Variants in EIF4G3 observed in about 807,000 individuals in gnomAD.
EIF4G3 encodes the protein eukaryotic translation initiation factor 4 gamma 3.
A neutral mutation model predicts 186.4 loss-of-function variants in EIF4G3; 34 were observed. The observed-to-expected ratio is 0.18, with a 90% confidence interval of 0.14 to 0.24. The LOEUF is 0.24. Ranked by LOEUF, EIF4G3 falls within the 10% of genes least tolerant of loss-of-function variation. EIF4G3 has a pLI of 1.00. For synonymous variants in EIF4G3, 673 were observed against 679.5 expected, an observed-to-expected ratio of 0.99 and a Z score of 0.15; for missense variants, 1,536 against 1,948.5, an observed-to-expected ratio of 0.79 and a Z score of 3.99.
intron 3 of EIF4G3, among the ~76,000 whole-genome samples, chr1:21,080,268 A>G (rs888134748): frequency 4.0e-5 from 6 of 151,496 alleles, no homozygotes. Flanking sequence ...GTGAGACATG[A>G]TCGTGCGACT....
At chr1:20,840,496 C>T (rs943534571) in intron 30 of EIF4G3, among the ~76,000 whole-genome samples, 1 of 152,190 alleles carries the variant, frequency 6.6e-6, no homozygotes, top group East Asian at 1.9e-4. Context: ...CAGAATTGTT[C>T]TCACAAAGAA....
chr1:21,167,958 T>C (rs554976731), intron 2 of EIF4G3: 1 of 426,696 alleles, frequency 2.3e-6, no homozygotes, highest in East Asian at 7.7e-5. Flanking sequence ...ATGTTTGACT[T>C]ACTGATAAAG....
intron 14 of EIF4G3, among the ~76,000 whole-genome samples, chr1:20,909,744 ACT>A (rs1420178070): frequency 6.7e-6 from 1 of 149,010 alleles, no homozygotes. Flanking sequence ...CAACAAATTA[ACT>A]CTGTTAAAAT....
At chr1:20,984,778 C>T (rs2079083338) in intron 7 of EIF4G3, among the ~76,000 whole-genome samples, 1 of 151,952 alleles carries the variant, frequency 6.6e-6, no homozygotes, top group South Asian at 2.1e-4. Context: ...TTAGTACAGA[C>T]AGGGTTTCAC....
At chr1:21,053,583 G>C (rs1197377119) in intron 3 of EIF4G3, among the ~76,000 whole-genome samples, 2 of 146,324 alleles carry the variant, frequency 1.4e-5, no homozygotes, top group African/African-American at 5.1e-5. Context: ...GCCCTGTCCG[G>C]GAGGGAGGTT....
intron 2 of EIF4G3, among the ~76,000 whole-genome samples, chr1:21,134,941 A>G (rs1487090393): frequency 6.6e-6 from 1 of 152,130 alleles, no homozygotes; most frequent in African/African-American, 2.4e-5. Flanking sequence ...TTAAAATACA[A>G]TTGTTTTAGG....
At chr1:21,038,037 G>A (rs944880019) in intron 4 of EIF4G3, among the ~76,000 whole-genome samples, 4 of 152,232 alleles carry the variant, frequency 2.6e-5, no homozygotes, top group Non-Finnish European at 5.9e-5. Flanking sequence ...CTTCTGAGCA[G>A]TGATACTATA....
chr1:20,874,444 T>C (rs2080170008), intron 20 of EIF4G3, among the ~76,000 whole-genome samples: 1 of 152,206 alleles, frequency 6.6e-6, no homozygotes, highest in South Asian at 2.1e-4. Context: ...CTTTTTTTCA[T>C]ATATTTGTTG....
chr1:21,041,795 C>T (rs1222696235), intron 4 of EIF4G3, among the ~76,000 whole-genome samples: 1 of 152,110 alleles, frequency 6.6e-6, no homozygotes, highest in Non-Finnish European at 1.5e-5. Context: ...ATTTAGATAG[C>T]TTGAGAGTTC....
chr1:20,818,163 A>G (rs184747703), intron 33 of EIF4G3, among the ~76,000 whole-genome samples: 3 of 152,280 alleles, frequency 2.0e-5, no homozygotes, highest in Admixed American at 6.5e-5. Flanking sequence ...AAGGCAGGAT[A>G]GGAGCCCTAG....
At chr1:21,139,938 T>C (rs532072996) in intron 2 of EIF4G3, among the ~76,000 whole-genome samples, 8 of 152,342 alleles carry the variant, frequency 5.3e-5, no homozygotes, top group Admixed American at 2.0e-4. Flanking sequence ...CCTAGAATTA[T>C]CCTGATTAAG....
intron 3 of EIF4G3, among the ~76,000 whole-genome samples, chr1:21,087,557 G>A (rs1038245872): frequency 6.6e-6 from 1 of 152,232 alleles, no homozygotes; most frequent in Admixed American, 6.5e-5. Flanking sequence ...CACTTTGGGA[G>A]GTGGAGGCAG....
chr1:21,000,464 G>T (rs577928467), intron 6 of EIF4G3, among the ~76,000 whole-genome samples: 1 of 152,164 alleles, frequency 6.6e-6, no homozygotes, highest in African/African-American at 2.4e-5. Context: ...CTGCCTCAAT[G>T]TAACAGCTTA....
At chr1:20,970,925 C>A (rs1295400944) in intron 11 of EIF4G3, among the ~76,000 whole-genome samples, 2 of 152,292 alleles carry the variant, frequency 1.3e-5, no homozygotes, top group South Asian at 2.1e-4. Context: ...GATCACGCCA[C>A]TGCACTCCAG....
intron 16 of EIF4G3, among the ~76,000 whole-genome samples, chr1:20,896,159 G>A (rs2087923984): frequency 6.6e-6 from 1 of 152,042 alleles, no homozygotes; most frequent in Admixed American, 6.6e-5. Context: ...TATAGAATAA[G>A]GATATAAAGA....
At chr1:21,053,321 G>C (rs2094365582) in intron 3 of EIF4G3, among the ~76,000 whole-genome samples, 1 of 151,846 alleles carries the variant, frequency 6.6e-6, no homozygotes, top group South Asian at 2.1e-4. Flanking sequence ...CTCCGTCTGG[G>C]AAGTGAGGAG....
At chr1:21,002,990 CTT>C (rs5772933) in intron 4 of EIF4G3, among the ~76,000 whole-genome samples, 182 bp from the exon 5 acceptor site, 11 of 141,158 alleles carry the variant, frequency 7.8e-5, no homozygotes, top group African/African-American at 1.0e-4. Context: ...CCTTTTCTTT[CTT>C]TTTTTTTTTT....
intron 6 of EIF4G3, among the ~76,000 whole-genome samples, chr1:20,998,656 G>C (rs1046521382): frequency 6.6e-6 from 1 of 152,092 alleles, no homozygotes; most frequent in Non-Finnish European, 1.5e-5. Context: ...GAAAGGAACA[G>C]ACAAAAATAT....
chr1:21,045,600 A>G (rs1304211731), intron 4 of EIF4G3, among the ~76,000 whole-genome samples: 2 of 152,202 alleles, frequency 1.3e-5, no homozygotes, highest in Non-Finnish European at 2.9e-5. Flanking sequence ...GGAAGTCTAG[A>G]CAATGATGCC....
Sources: allele counts gnomAD v4.1 joint callset (sites outside exome capture counted in the v4.1 genomes callset), GRCh38; gene constraint gnomAD v4.1.1; transcripts MANE v1.5; gene names NCBI Gene and HGNC (gene_info 2026-07-23, HGNC 2026-07-21).